The following GSK3B variants were observed in gnomAD, a reference collection of about 807,000 sequenced individuals.
GSK3B encodes the protein glycogen synthase kinase-3 beta.
A neutral mutation model predicts 56.4 loss-of-function variants in GSK3B; 15 were observed. The ratio of observed to expected loss-of-function variants is 0.27; its 90% CI spans 0.18 to 0.41. The LOEUF (loss-of-function observed/expected upper bound fraction) is 0.41, where lower values mean the gene tolerates loss of function less well. Among genes scored for constraint, GSK3B ranks in the 10% least tolerant of loss-of-function variants. GSK3B has a pLI of 1.00. For synonymous variants in GSK3B, 181 were observed against 188.9 expected (o/e 0.96, Z 0.34); for missense variants, 300 against 513.4 (o/e 0.58, Z 4.02).
chr3:119,876,978 A>G (rs1159343291), intron 7 of GSK3B, among the ~76,000 whole-genome samples: 1 of 152,124 alleles, frequency 6.6e-6, no homozygotes, highest in Non-Finnish European at 1.5e-5. Flanking sequence ...TTGTTTATAT[A>G]TTATCCAGTC....
intron 7 of GSK3B, among the ~76,000 whole-genome samples, chr3:119,888,183 T>C (rs1449045178): frequency 2.0e-5 from 3 of 152,142 alleles, no homozygotes; most frequent in Non-Finnish European, 4.4e-5. Flanking sequence ...AAATGTATGA[T>C]ATTTCCCCCT....
At chr3:119,891,028 G>C (rs1298169238) in intron 7 of GSK3B, among the ~76,000 whole-genome samples, 2 of 152,030 alleles carry the variant, frequency 1.3e-5, no homozygotes, top group African/African-American at 2.4e-5. Flanking sequence ...CTAGGGCAGA[G>C]AGACTTGTAC....
intron 1 of GSK3B, among the ~76,000 whole-genome samples, chr3:120,026,580 C>A (rs1165175289): frequency 7.3e-6 from 1 of 136,694 alleles, no homozygotes; most frequent in Admixed American, 7.4e-5. Context: ...TTTTTTTTTT[C>A]TTTGAGACGG....
Position 119,974,366 on chromosome 3 carries a change from T to C in GSK3B, c.283-27015A>G, listed in dbSNP as rs190180058. Among the ~76,000 whole-genome samples the C allele has an allele frequency of 1.1e-3, 167 of 152,262 alleles. 1 individual carries two copies. The highest frequency in any genetic ancestry group is 1.5e-3 in the South Asian group (7 of 4,820). ...AACCTAAGCATCAATGTGATGGTATTAGGAGGTAGGGCTGTTGGGAGGTGA... is the reference window on the plus strand; with the variant it reads ...AACCTAAGCATCAATGTGATGGTATCAGGAGGTAGGGCTGTTGGGAGGTGA... On this transcript the variant is annotated intron_variant, in intron 2 of 10. Transcript: ENST00000264235.
intron 4 of GSK3B, among the ~76,000 whole-genome samples, chr3:119,922,051 C>T (rs566538847): frequency 1.3e-4 from 20 of 151,918 alleles, no homozygotes; most frequent in Non-Finnish European, 2.5e-4. Flanking sequence ...GCAGGAGAAT[C>T]GCTTGAACCC....
intron 1 of GSK3B, among the ~76,000 whole-genome samples, chr3:120,036,579 G>C (rs2058024868): frequency 6.6e-6 from 1 of 152,068 alleles, no homozygotes; most frequent in Admixed American, 6.6e-5. Flanking sequence ...GATCACTTGA[G>C]GTCAGGAGTT....
intron 1 of GSK3B, among the ~76,000 whole-genome samples, chr3:120,091,176 T>C (rs528736477): frequency 1.3e-5 from 2 of 152,310 alleles, no homozygotes; most frequent in South Asian, 2.1e-4. Flanking sequence ...TTTTTCCCCA[T>C]AGCCTCCCTC....
At chr3:119,861,377 G>T (rs746604464) in intron 9 of GSK3B, among the ~76,000 whole-genome samples, 7 of 152,022 alleles carry the variant, frequency 4.6e-5, no homozygotes, top group Non-Finnish European at 8.8e-5. Flanking sequence ...CAGGTATGGT[G>T]GCAGGAGCCT....
intron 10 of GSK3B, among the ~76,000 whole-genome samples, chr3:119,837,528 C>G (rs528818979): frequency 1.1e-4 from 16 of 152,016 alleles, no homozygotes; most frequent in Non-Finnish European, 7.4e-5. Flanking sequence ...ATGTCTATTA[C>G]TGAATATACA....
chr3:119,847,058 G>T (rs2055865226), intron 9 of GSK3B, among the ~76,000 whole-genome samples: 1 of 152,046 alleles, frequency 6.6e-6, no homozygotes, highest in Non-Finnish European at 1.5e-5. Context: ...AACATGGCAT[G>T]TTCTCACTCG....
intron 2 of GSK3B, among the ~76,000 whole-genome samples, chr3:119,957,956 C>T (rs1241330823): frequency 1.3e-5 from 2 of 152,074 alleles, no homozygotes; most frequent in Non-Finnish European, 2.9e-5. Context: ...GATACTGATA[C>T]GGTTTGGCTC....
intron 1 of GSK3B, among the ~76,000 whole-genome samples, chr3:120,004,273 T>C (rs538620589): frequency 1.4e-4 from 22 of 152,304 alleles, no homozygotes; most frequent in African/African-American, 5.3e-4. Context: ...AAGCTCAAAC[T>C]CGGCAGAGAC....
intron 3 of GSK3B, among the ~76,000 whole-genome samples, chr3:119,939,697 A>T (rs2057028495): frequency 6.6e-6 from 1 of 152,170 alleles, no homozygotes; most frequent in Non-Finnish European, 1.5e-5. Flanking sequence ...TTATCAGTGA[A>T]ATAGAAAGAA....
intron 2 of GSK3B, among the ~76,000 whole-genome samples, chr3:119,948,698 T>G (rs1454079702): frequency 1.3e-5 from 2 of 152,160 alleles, no homozygotes; most frequent in Non-Finnish European, 2.9e-5. Context: ...TATACTTTGT[T>G]TTTTTGTTTG....
intron 10 of GSK3B, among the ~76,000 whole-genome samples, chr3:119,840,051 G>A (rs1352216827): frequency 6.6e-6 from 1 of 152,078 alleles, no homozygotes; most frequent in Non-Finnish European, 1.5e-5. Flanking sequence ...AATGCTTTGT[G>A]AGGAAAGCTT....
intron 1 of GSK3B, among the ~76,000 whole-genome samples, chr3:120,026,094 A>T (rs956896524): frequency 6.6e-6 from 1 of 152,198 alleles, no homozygotes; most frequent in Admixed American, 6.5e-5. Context: ...TATTTCAGAC[A>T]TTCCTCCTAC....
At chr3:119,857,556 C>T (rs1254276617) in intron 9 of GSK3B, among the ~76,000 whole-genome samples, 1 of 152,168 alleles carries the variant, frequency 6.6e-6, no homozygotes, top group Admixed American at 6.5e-5. Flanking sequence ...ACTTTTAATT[C>T]TAGTTCTCTT....
chr3:119,998,042 A>G (rs568444888), intron 2 of GSK3B, among the ~76,000 whole-genome samples: 1 of 150,912 alleles, frequency 6.6e-6, no homozygotes, highest in African/African-American at 2.4e-5. Context: ...GCATTATACC[A>G]AAGCCCAAAT....
chr3:119,941,520 A>G (rs2057049073), intron 3 of GSK3B, among the ~76,000 whole-genome samples: 1 of 152,178 alleles, frequency 6.6e-6, no homozygotes, highest in African/African-American at 2.4e-5. Context: ...AACTTACTTA[A>G]CGGCTGTTGT....
Sources: gnomAD v4.1 joint callset for allele counts (sites outside exome capture counted in the v4.1 genomes callset) on GRCh38, gnomAD v4.1.1 for gene constraint, MANE v1.5 for transcripts, NCBI Gene and HGNC (gene_info 2026-07-23, HGNC 2026-07-21) for gene names.